COX7B2: variants seen among roughly 807,000 people sequenced by gnomAD.
The protein encoded by COX7B2 is cytochrome c oxidase subunit 7B2.
For missense variants in COX7B2, 109 were observed against 95.9 expected (o/e 1.14, Z -0.57); for synonymous variants, 37 against 32.1 (o/e 1.15, Z -0.51).
chr4:46,898,960 G>A (rs1719925756), intron 1 of COX7B2, among the ~76,000 whole-genome samples: 1 of 151,396 alleles, frequency 6.6e-6, no homozygotes, highest in South Asian at 2.1e-4. Context: ...ATGAAGGAAG[G>A]GACTGTTCAT....
intron 1 of COX7B2, among the ~76,000 whole-genome samples, chr4:46,886,736 TAACTA>T (rs1264127491): frequency 6.6e-6 from 1 of 152,156 alleles, no homozygotes; most frequent in African/African-American, 2.4e-5. Flanking sequence ...AAGATAAAAG[TAACTA>T]AACATGAATT....
In COX7B2 at chr4:46,799,947, G is replaced by A. The variant is rs572976504; in HGVS notation, c.-50+45013C>T. Among the ~76,000 whole-genome samples, 12 of 152,186 alleles carry A rather than the reference G, an allele frequency of 7.9e-5. No individual in the cohort carries two copies. The South Asian group carries it at 2.5e-3, about 32-fold the overall frequency. On this transcript the variant is annotated intron_variant, in intron 2 of 2. Transcript: ENST00000355591. ...GTAGTAGCTCTTCTTTATACATCTGGTGGAATTTGGCTGTGAATCTGTCAG... is the reference window on the plus strand; with the variant it reads ...GTAGTAGCTCTTCTTTATACATCTGATGGAATTTGGCTGTGAATCTGTCAG...
intron 2 of COX7B2, among the ~76,000 whole-genome samples, chr4:46,764,491 C>T (rs748022033): frequency 6.6e-6 from 1 of 151,400 alleles, no homozygotes; most frequent in Admixed American, 6.6e-5. Flanking sequence ...TGCAGTGAGC[C>T]GAGATCAGGC....
At chr4:46,828,982 T>C (rs891515881) in intron 2 of COX7B2, among the ~76,000 whole-genome samples, 4 of 152,186 alleles carry the variant, frequency 2.6e-5, no homozygotes, top group South Asian at 4.1e-4. Flanking sequence ...TTTGTAATGC[T>C]CAGCCTTATA....
intron 2 of COX7B2, among the ~76,000 whole-genome samples, chr4:46,770,836 A>G (rs1467721590): frequency 6.6e-6 from 1 of 152,212 alleles, no homozygotes; most frequent in Non-Finnish European, 1.5e-5. Flanking sequence ...AAAAGGGATT[A>G]AAGACTTAAA....
At chr4:46,827,458 T>G (rs979418720) in intron 2 of COX7B2, among the ~76,000 whole-genome samples, 6 of 152,256 alleles carry the variant, frequency 3.9e-5, no homozygotes, top group South Asian at 2.1e-4. Context: ...CAGAATGGCA[T>G]GTCCAAAGTA....
intron 2 of COX7B2, among the ~76,000 whole-genome samples, chr4:46,753,784 G>A (rs1008929937): frequency 6.6e-5 from 10 of 152,000 alleles, no homozygotes; most frequent in East Asian, 3.9e-4. Flanking sequence ...GCAACCTACA[G>A]AATGGGAGAA....
At chr4:46,802,651 C>T (rs774670854) in intron 2 of COX7B2, among the ~76,000 whole-genome samples, 4 of 152,130 alleles carry the variant, frequency 2.6e-5, no homozygotes, top group Non-Finnish European at 4.4e-5. Flanking sequence ...TAGTTTGAAT[C>T]AGCTCTCCAA....
At chr4:46,746,084 C>A (rs1481610769) in intron 2 of COX7B2, among the ~76,000 whole-genome samples, 1 of 152,224 alleles carries the variant, frequency 6.6e-6, no homozygotes, top group East Asian at 1.9e-4. Flanking sequence ...GGTAGGTTTT[C>A]TTATACAGAT....
At chr4:46,825,856 T>G (rs1418935680) in intron 2 of COX7B2, among the ~76,000 whole-genome samples, 1 of 152,152 alleles carries the variant, frequency 6.6e-6, no homozygotes, top group Non-Finnish European at 1.5e-5. Context: ...GACCCCTTCC[T>G]ATAACATGCA....
chr4:46,800,534 G>A (rs942620517), intron 2 of COX7B2, among the ~76,000 whole-genome samples: 2 of 152,264 alleles, frequency 1.3e-5, no homozygotes, highest in Non-Finnish European at 1.5e-5. Flanking sequence ...ATGGTGCTGG[G>A]ATTACTGGCT....
chr4:46,796,379 A>C (rs1295442853), intron 2 of COX7B2, among the ~76,000 whole-genome samples: 1 of 148,152 alleles, frequency 6.7e-6, no homozygotes, highest in East Asian at 2.0e-4. Flanking sequence ...ATGCAAATCA[A>C]AACCACTATG....
At chr4:46,862,035 G>A (rs1717365833) in intron 1 of COX7B2, among the ~76,000 whole-genome samples, 1 of 152,168 alleles carries the variant, frequency 6.6e-6, no homozygotes, top group Non-Finnish European at 1.5e-5. Context: ...CCCTGAAGCA[G>A]CAGACACTCA....
intron 2 of COX7B2, among the ~76,000 whole-genome samples, chr4:46,773,446 G>A (rs1716988680): frequency 6.6e-6 from 1 of 151,914 alleles, no homozygotes. Context: ...ACTTTCTGAG[G>A]CCCCCCCAGT....
intron 1 of COX7B2, among the ~76,000 whole-genome samples, chr4:46,904,821 G>C (rs114156903): frequency 0.011 from 1,660 of 152,254 alleles, 26 homozygotes; most frequent in African/African-American, 0.038. Flanking sequence ...ATGAGGTACA[G>C]AGCAGAGTGT....
intron 2 of COX7B2, among the ~76,000 whole-genome samples, chr4:46,748,043 C>T (rs903121920): frequency 2.6e-5 from 4 of 151,992 alleles, no homozygotes; most frequent in Non-Finnish European, 4.4e-5. Context: ...CTTCAAAGTT[C>T]ATGATGTTGC....
chr4:46,898,595 T>C (rs755666179), intron 1 of COX7B2, among the ~76,000 whole-genome samples: 24 of 152,112 alleles, frequency 1.6e-4, no homozygotes, highest in Non-Finnish European at 3.4e-4. Flanking sequence ...TTTTTTATTT[T>C]TTTATTTTTT....
chr4:46,844,866 T>A (rs1407899606), intron 2 of COX7B2, 94 bp downstream of exon 2: 1 of 152,032 alleles, frequency 6.6e-6, no homozygotes, highest in African/African-American at 2.4e-5. Flanking sequence ...AGTGTGAATT[T>A]TATTTTTTAC....
intron 1 of COX7B2, among the ~76,000 whole-genome samples, chr4:46,870,049 C>T (rs1369143190): frequency 6.6e-6 from 1 of 152,080 alleles, no homozygotes; most frequent in Admixed American, 6.6e-5. Context: ...TAATCCCATA[C>T]TTGGAGGTTT....
Sources: gnomAD v4.1 joint callset for allele counts (sites outside exome capture counted in the v4.1 genomes callset) on GRCh38, gnomAD v4.1.1 for gene constraint, MANE v1.5 for transcripts, NCBI Gene and HGNC (gene_info 2026-07-23, HGNC 2026-07-21) for gene names.